ASAP1: variants seen among roughly 807,000 people sequenced by gnomAD.
ASAP1 encodes arf-GAP with SH3 domain, ANK repeat and PH domain-containing protein 1.
A neutral mutation model predicts 145.2 loss-of-function variants in ASAP1; 43 were observed. That is an observed-to-expected ratio of 0.30 (90% confidence interval 0.23 to 0.38). The LOEUF is 0.38. Among genes scored for constraint, ASAP1 ranks in the 10% least tolerant of loss-of-function variants. The pLI, the probability that ASAP1 is intolerant of heterozygous loss-of-function variation, is 1.00. For missense variants in ASAP1, 1,018 were observed against 1,355.3 expected (o/e 0.75, Z 3.91); for synonymous variants, 546 against 515.5 (o/e 1.06, Z -0.80).
At chr8:130,197,915 G>A (rs1055294580) in intron 5 of ASAP1, among the ~76,000 whole-genome samples, 15 of 152,108 alleles carry the variant, frequency 9.9e-5, no homozygotes, top group African/African-American at 2.7e-4. Flanking sequence ...TATAAGCTAC[G>A]TGCTGTTCAC....
At position 130,101,577 on chromosome 8, in the gene ASAP1, C is replaced by A. The variant is rs148249849; in HGVS notation, c.2402-9434G>T. 3.7e-3 allele frequency among the ~76,000 whole-genome samples: 556 copies of A among 149,966 alleles called. 6 individuals are homozygous for A. Among genetic ancestry groups the A allele is most frequent in the African/African-American group, 0.013 (529 of 40,834 alleles). ...AAAAGGGATTGCTTTCTCAATTTTTCTTTTTTTTTCTGAGACAGGGTCTTT... is the reference window on the plus strand; with the variant it reads ...AAAAGGGATTGCTTTCTCAATTTTTATTTTTTTTTCTGAGACAGGGTCTTT... On this transcript the variant is annotated intron_variant, in intron 24 of 29. Transcript: ENST00000518721.
intron 3 of ASAP1, among the ~76,000 whole-genome samples, chr8:130,275,700 A>C (rs1820839683): frequency 6.6e-6 from 1 of 152,230 alleles, no homozygotes; most frequent in African/African-American, 2.4e-5. Flanking sequence ...ATGCTTTTAA[A>C]ATTATGTTTA....
chr8:130,322,447 A>G (rs1438149352), intron 3 of ASAP1, among the ~76,000 whole-genome samples: 13 of 152,212 alleles, frequency 8.5e-5, no homozygotes, highest in Non-Finnish European at 1.5e-5. Flanking sequence ...CATTGATCTT[A>G]TCCCAAACTG....
intron 5 of ASAP1, among the ~76,000 whole-genome samples, chr8:130,192,080 A>G (rs1342639366): frequency 6.6e-6 from 1 of 152,046 alleles, no homozygotes; most frequent in East Asian, 1.9e-4. Context: ...AGACAAAGGG[A>G]TTTCTACCAA....
In ASAP1 at chr8:130,072,822, T is replaced by TGTGTGC. The variant is rs1554816353; in HGVS notation, c.2701+3525_2701+3526insGCACAC. Among the ~76,000 whole-genome samples, 4 of 26,058 alleles carry TGTGTGC rather than the reference T, an allele frequency of 1.5e-4. No individual in the cohort carries two copies. In the South Asian group the frequency reaches 4.5e-3, roughly 30 times the overall value. 17.1% of individuals were successfully genotyped at this position (26,058 alleles called of 152,430 possible). A position where few individuals can be genotyped will look rare whatever the true frequency, so the allele number is the denominator to read the frequency against. On this transcript the variant is annotated intron_variant, in intron 27 of 29. Transcript: ENST00000518721. ...GTGTGTGTGTGTGTGTGTGTGTGTG[T>TGTGTGC]GTGCGCGCGGGGGGGGGCAGTTTTG...
intron 3 of ASAP1, among the ~76,000 whole-genome samples, chr8:130,334,583 T>C (rs1824916049): frequency 6.6e-6 from 1 of 152,238 alleles, no homozygotes; most frequent in Non-Finnish European, 1.5e-5. Flanking sequence ...AGCTTAAAGC[T>C]TGCTTCTAGC....
intron 14 of ASAP1, among the ~76,000 whole-genome samples, chr8:130,134,789 G>A (rs563820121): frequency 6.6e-6 from 1 of 152,146 alleles, no homozygotes; most frequent in Non-Finnish European, 1.5e-5. Flanking sequence ...AGCTAATTCA[G>A]TATTTTCTGT....
chr8:130,164,311 G>A (rs574101920), intron 11 of ASAP1, among the ~76,000 whole-genome samples: 3 of 152,272 alleles, frequency 2.0e-5, no homozygotes, highest in East Asian at 1.9e-4. Flanking sequence ...CAGGCCAGGC[G>A]CAGTAGCTCA....
At chr8:130,090,696 A>G (rs1415025460) in intron 25 of ASAP1, among the ~76,000 whole-genome samples, 1 of 152,184 alleles carries the variant, frequency 6.6e-6, no homozygotes, top group Non-Finnish European at 1.5e-5. Context: ...CATGAACTCC[A>G]CGAGCATATG....
chr8:130,339,436 C>G (rs146615049), intron 3 of ASAP1, among the ~76,000 whole-genome samples: 2 of 152,026 alleles, frequency 1.3e-5, no homozygotes, highest in South Asian at 2.1e-4. Context: ...TTGAGTACAT[C>G]GATGCGGTCA....
chr8:130,226,756 C>T (rs1817610542), intron 4 of ASAP1, among the ~76,000 whole-genome samples: 1 of 152,216 alleles, frequency 6.6e-6, no homozygotes, highest in Non-Finnish European at 1.5e-5. Context: ...TAAACAGCAC[C>T]TGAACATCAC....
Position 130,282,152 on chromosome 8 carries a change from T to C in ASAP1, c.187-45158A>G, listed in dbSNP as rs551763479. 5.9e-5 allele frequency among the ~76,000 whole-genome samples: 9 copies of C among 152,080 alleles called. No homozygotes were observed. The East Asian group carries it at 1.7e-3, about 29-fold the overall frequency. ...AATATATATGTTCTACATTTTGCAG[T>C]ATCTTTTAATTAGAATCCAATTTGA... On this transcript the variant is annotated intron_variant, in intron 3 of 29. Coordinates refer to ENST00000518721, the MANE Select transcript of ASAP1 (RefSeq NM_018482.4).
chr8:130,090,417 C>T (rs2097503149), intron 25 of ASAP1, among the ~76,000 whole-genome samples: 1 of 152,186 alleles, frequency 6.6e-6, no homozygotes, highest in Non-Finnish European at 1.5e-5. Flanking sequence ...ATCCCGAAGG[C>T]CTTACACAGC....
At chr8:130,300,020 T>A (rs1266640136) in intron 3 of ASAP1, among the ~76,000 whole-genome samples, 1 of 151,824 alleles carries the variant, frequency 6.6e-6, no homozygotes, top group African/African-American at 2.4e-5. Context: ...TCAGGCAGTT[T>A]CTTGAAAAGC....
At chr8:130,403,526 A>G (rs1392353388) in intron 1 of ASAP1, among the ~76,000 whole-genome samples, 3 of 151,104 alleles carry the variant, frequency 2.0e-5, no homozygotes, top group Admixed American at 2.0e-4. Context: ...ACAATGCTGT[A>G]GCCATAAGAC....
At position 130,093,407 on chromosome 8, in the gene ASAP1, C is replaced by T. The variant is rs2097509895; in HGVS notation, c.2402-1264G>A. On this transcript the variant is annotated intron_variant, in intron 24 of 29. Transcript: ENST00000518721. ...TAGGACCAGGCACGGTGGCTCTCGC[C>T]TGTAACTCCAGCACTTTGAGAGGCC... 5.9e-5 allele frequency among the ~76,000 whole-genome samples: 9 copies of T among 152,152 alleles called. No homozygotes were observed. In the South Asian group the frequency reaches 1.9e-3, roughly 32 times the overall value.
At chr8:130,267,022 C>T (rs1399447041) in intron 3 of ASAP1, among the ~76,000 whole-genome samples, 3 of 150,610 alleles carry the variant, frequency 2.0e-5, no homozygotes, top group Non-Finnish European at 3.0e-5. Flanking sequence ...CTACAGGTAC[C>T]GCCGCCACCC....
At chr8:130,094,922 A>G (rs2097513979) in intron 24 of ASAP1, among the ~76,000 whole-genome samples, 1 of 152,150 alleles carries the variant, frequency 6.6e-6, no homozygotes, top group African/African-American at 2.4e-5. Flanking sequence ...CTGCTAGGAA[A>G]CAAAAATTGT....
At chr8:130,421,694 C>T (rs1024129530) in intron 1 of ASAP1, among the ~76,000 whole-genome samples, 3 of 152,182 alleles carry the variant, frequency 2.0e-5, no homozygotes, top group Admixed American at 2.0e-4. Flanking sequence ...TCCCACCGAA[C>T]TAGAAATACA....
Sources: gnomAD v4.1 joint callset for allele counts (sites outside exome capture counted in the v4.1 genomes callset) on GRCh38, gnomAD v4.1.1 for gene constraint, MANE v1.5 for transcripts, NCBI Gene and HGNC (gene_info 2026-07-23, HGNC 2026-07-21) for gene names.